The following GTF2F1 variants were observed in gnomAD, a reference collection of about 807,000 sequenced individuals.
The protein encoded by GTF2F1 is general transcription factor IIF subunit 1.
In GTF2F1, 39 loss-of-function variants were observed where a neutral mutation model predicts 63.5. That is an observed-to-expected ratio of 0.61 (90% CI 0.48 to 0.80). The LOEUF is 0.80. Among genes scored for constraint, GTF2F1 ranks in the 30% least tolerant of loss-of-function variants. GTF2F1 has a pLI of 0.00. For missense variants in GTF2F1, 657 were observed against 718.3 expected (o/e 0.91, Z 0.97); for synonymous variants, 287 against 285.3 (o/e 1.01, Z -0.06).
chr19:6,386,088 C>A (rs2091972874), intron 5 of GTF2F1, among the ~76,000 whole-genome samples: 1 of 148,918 alleles, frequency 6.7e-6, no homozygotes, highest in South Asian at 2.1e-4. Flanking sequence ...AAAAACAAAA[C>A]AACAAAACTA....
At position 6,380,160 on chromosome 19, in the gene GTF2F1, A is replaced by G; in HGVS notation, c.*121T>C. 4.6e-6 allele frequency: 4 copies of G among 870,400 alleles called. No homozygotes were observed. The highest frequency in any genetic ancestry group is 3.9e-6 in the Non-Finnish European group (2 of 514,246). 53.9% of individuals were successfully genotyped at this position (870,400 alleles called of 1,614,324 possible). ...GGAGCAAGCAGGATGTCGAAGGGTC[A>G]CTGAGAGCCTGAAGTTCTGGAGGGC... On this transcript the variant is annotated 3_prime_UTR_variant, in exon 13 of 13. Transcript: ENST00000394456. The surrounding 1 kb of genome is among the most constrained non-coding windows in gnomAD (Gnocchi z 5.3).
Position 6,381,536 on chromosome 19 carries a change from C to T in GTF2F1, c.898+18G>A, listed in dbSNP as rs372036105. On this transcript the variant is annotated intron_variant, in intron 8 of 12. Coordinates refer to ENST00000394456, the MANE Select transcript of GTF2F1 (RefSeq NM_002096.3). This position sits in a 1 kb window ranked among gnomAD's most constrained non-coding sequence, Gnocchi z 4.1. ...AAGCACCGCCCCCATCTCCCCGGCC[C>T]GCCCAGCCATCGCCTACCCTTGGGC... The T allele has an allele frequency of 1.1e-4, 180 of 1,611,716 alleles. No homozygotes were observed. Among genetic ancestry groups the T allele is most frequent in the Non-Finnish European group, 1.4e-4 (163 of 1,179,980 alleles).
Position 6,383,387 on chromosome 19 carries a change from C to A in GTF2F1, c.606G>T (p.Ala202=). ...CCAGGTCGTGGATGCGCAGCTCGCT[C>A]GCCTTCCTGCGGCCACGTTTCTCCT... ...EEKEKRGRRK[A]SELRIHDLED... is the part of the protein sequence containing the mutation. Residue 202 remains alanine, a synonymous_variant, in exon 6 of 13, where the codon GCG becomes GCT. Coordinates refer to ENST00000394456, the MANE Select transcript of GTF2F1 (RefSeq NM_002096.3). This position sits in a 1 kb window ranked among gnomAD's most constrained non-coding sequence, Gnocchi z 4.5. 6.2e-7 allele frequency: 1 copy of A among 1,614,222 alleles called. No homozygotes were observed. Among genetic ancestry groups the A allele is most frequent in the Non-Finnish European group, 8.5e-7 (1 of 1,180,036 alleles).
Position 6,383,342 on chromosome 19 carries a change from C to A in GTF2F1, c.651G>T (p.Ser217=), listed in dbSNP as rs754301696. ...CACCACTGGCATCACTGGCATCGGACGACATCTCCAGGTCGTCCTCCAGGT... is the reference window on the plus strand; with the variant it reads ...CACCACTGGCATCACTGGCATCGGAAGACATCTCCAGGTCGTCCTCCAGGT... ...IHDLEDDLEM[S]SDASDASGEE... The change falls in exon 6 of 13, where the codon TCG becomes TCT. Residue 217 remains serine (S), a synonymous_variant. Coordinates refer to ENST00000394456, the MANE Select transcript of GTF2F1 (RefSeq NM_002096.3). This position sits in a 1 kb window ranked among gnomAD's most constrained non-coding sequence, Gnocchi z 4.5. 2.5e-6 allele frequency: 4 copies of A among 1,614,120 alleles called. No homozygotes were observed. The highest frequency in any genetic ancestry group is 8.5e-7 in the Non-Finnish European group (1 of 1,180,048).
chr19:6,389,397 A>T, intron 4 of GTF2F1, 47 bp downstream of exon 4: 2 of 1,564,388 alleles, frequency 1.3e-6, no homozygotes, highest in Non-Finnish European at 1.8e-6. Flanking sequence ...AGGCCTGGGG[A>T]TGTGGACTGG....
chr19:6,391,852 C>T, intron 3 of GTF2F1, 50 bp downstream of exon 3: 1 of 951,504 alleles, frequency 1.1e-6, no homozygotes, highest in Non-Finnish European at 1.6e-6. Context: ...AGGTCAGGGT[C>T]AAGTTCTCTC....
chr19:6,385,029 G>A (rs1444240891), intron 5 of GTF2F1, among the ~76,000 whole-genome samples: 1 of 151,968 alleles, frequency 6.6e-6, no homozygotes, highest in African/African-American at 2.4e-5. Flanking sequence ...TCGAACTCTT[G>A]ACCTTGCGAT....
chr19:6,381,532 G>T lies in GTF2F1; in HGVS notation c.898+22C>A. 1 of 1,611,352 alleles carries T rather than the reference G, an allele frequency of 6.2e-7. No homozygotes were observed. On this transcript the variant is annotated intron_variant, in intron 8 of 12. Coordinates refer to ENST00000394456, the MANE Select transcript of GTF2F1 (RefSeq NM_002096.3). The surrounding 1 kb of genome is among the most constrained non-coding windows in gnomAD (Gnocchi z 4.1). ...AGGGAAGCACCGCCCCCATCTCCCC[G>T]GCCCGCCCAGCCATCGCCTACCCTT...
chr19:6,383,569 C>A lies in GTF2F1; in HGVS notation c.498-74G>T, dbSNP rs2091963151. The A allele has an allele frequency of 6.7e-6, 10 of 1,500,746 alleles. 1 individual carries two copies. The South Asian group carries it at 1.0e-4, about 16-fold the overall frequency. The allele number at this position is 1,500,746 out of a possible 1,614,324, so 93.0% of individuals were successfully genotyped here. A position where few individuals can be genotyped will look rare whatever the true frequency, so the allele number is the denominator to read the frequency against. On this transcript the variant is annotated intron_variant, in intron 5 of 12. Coordinates refer to ENST00000394456, the MANE Select transcript of GTF2F1 (RefSeq NM_002096.3). This position sits in a 1 kb window ranked among gnomAD's most constrained non-coding sequence, Gnocchi z 4.5. ...CATCTGTGCTTGCAGGGGGCGAGCC[C>A]CAGGGCACCACCCACATAGCCTTCA...
chr19:6,383,954 G>A lies in GTF2F1; in HGVS notation c.498-459C>T, dbSNP rs2091965004. Among the ~76,000 whole-genome samples, 3 of 149,972 alleles carry A rather than the reference G, an allele frequency of 2.0e-5. No individual in the cohort carries two copies. Among genetic ancestry groups the A allele is most frequent in the African/African-American group, 4.9e-5 (2 of 40,968 alleles). ...CGGGGTTCCAGGCGCCTGCCACCACGCCCAGCTAATTTTTTTTTTTTTTTG... is the reference window on the plus strand; with the variant it reads ...CGGGGTTCCAGGCGCCTGCCACCACACCCAGCTAATTTTTTTTTTTTTTTG... On this transcript the variant is annotated intron_variant, in intron 5 of 12. Coordinates refer to ENST00000394456, the MANE Select transcript of GTF2F1 (RefSeq NM_002096.3). The surrounding 1 kb of genome is among the most constrained non-coding windows in gnomAD (Gnocchi z 4.5).
chr19:6,382,303 C>A (rs1162859981), intron 6 of GTF2F1, among the ~76,000 whole-genome samples: 3 of 152,094 alleles, frequency 2.0e-5, no homozygotes, highest in African/African-American at 7.2e-5. Flanking sequence ...CCATCCTGGG[C>A]AACACAGTGA....
Position 6,383,334 on chromosome 19 carries a change from G to T in GTF2F1, c.659C>A (p.Ala220Asp). 3.1e-6 allele frequency: 5 copies of T among 1,614,010 alleles called. No homozygotes were observed. Among genetic ancestry groups the T allele is most frequent in the Non-Finnish European group, 4.2e-6 (5 of 1,180,030 alleles). Reference sequence around the variant, plus strand: ...ACCCTCCTCACCACTGGCATCACTGGCATCGGACGACATCTCCAGGTCGTC... The same window carrying T: ...ACCCTCCTCACCACTGGCATCACTGTCATCGGACGACATCTCCAGGTCGTC... ...LEDDLEMSSD[A>D]SDASGEEGGR... Residue 220 changes from alanine to aspartate, a missense_variant, in exon 6 of 13, where the codon GCC becomes GAC. By Grantham distance (126) the Ala-to-Asp change is moderately radical. Around this residue, in one of 2 missense-constraint regions of GTF2F1, gnomAD observed 602 missense variants for 625.6 expected, o/e 0.96. Coordinates refer to ENST00000394456, the MANE Select transcript of GTF2F1 (RefSeq NM_002096.3). The surrounding 1 kb of genome is among the most constrained non-coding windows in gnomAD (Gnocchi z 4.5).
chr19:6,389,592 C>T lies in GTF2F1; in HGVS notation c.178G>A (p.Glu60Lys). 1 of 1,614,196 alleles carries T rather than the reference C, an allele frequency of 6.2e-7. No individual in the cohort carries two copies. Among genetic ancestry groups the T allele is most frequent in the Non-Finnish European group, 8.5e-7 (1 of 1,180,024 alleles). ...CCCGCGCCCGATTCGGGCATCTCCT[C>T]CTCTTGGTAGATTTTCTTGTTGCTC... ...DLSNKKIYQE[E>K]EMPESGAGSE... Residue 60 changes from glutamate to lysine, a missense_variant, in exon 4 of 13, where the codon GAG (glutamate) becomes AAG (lysine). By Grantham distance (56) the Glu-to-Lys change is moderately conservative (BLOSUM62 1). Around this residue, in one of 2 missense-constraint regions of GTF2F1, gnomAD observed 602 missense variants for 625.6 expected, o/e 0.96. Coordinates refer to ENST00000394456, the MANE Select transcript of GTF2F1 (RefSeq NM_002096.3).
Position 6,381,941 on chromosome 19 carries a change from C to G in GTF2F1, c.683-91G>C. 1 of 1,116,904 alleles carries G rather than the reference C, an allele frequency of 9.0e-7. No homozygotes were observed. The allele number at this position is 1,116,904 out of a possible 1,614,324, so 69.2% of individuals were successfully genotyped here. On this transcript the variant is annotated intron_variant, in intron 6 of 12. Coordinates refer to ENST00000394456, the MANE Select transcript of GTF2F1 (RefSeq NM_002096.3). This position sits in a 1 kb window ranked among gnomAD's most constrained non-coding sequence, Gnocchi z 4.1. ...TTTTTCACATTTTGTGCAGTTTTGA[C>G]ATCCTGGGGGGCCTCACTGACTGGG...
chr19:6,392,696 T>A (rs988041999), intron 2 of GTF2F1, among the ~76,000 whole-genome samples, 161 bp downstream of exon 2: 5 of 152,124 alleles, frequency 3.3e-5, no homozygotes, highest in Non-Finnish European at 7.4e-5. Context: ...AGCAGTGTTG[T>A]CCCCAGAGAA....
intron 3 of GTF2F1, among the ~76,000 whole-genome samples, chr19:6,391,442 T>G (rs2091997005): frequency 8.4e-6 from 1 of 119,128 alleles, no homozygotes; most frequent in Non-Finnish European, 1.9e-5. Flanking sequence ...CATTTCCGTT[T>G]TTTTTTTTTT....
chr19:6,382,861 CCTGA>C (rs1420151528), intron 6 of GTF2F1, among the ~76,000 whole-genome samples: 1 of 151,778 alleles, frequency 6.6e-6, no homozygotes, highest in Non-Finnish European at 1.5e-5. Context: ...GGCCTTGCCT[CCTGA>C]CTGACATCAC....
Position 6,387,421 on chromosome 19 carries a change from G to A in GTF2F1, c.465C>T (p.Leu155=). The change falls in exon 5 of 13, where the codon CTC becomes CTT. Residue 155 remains leucine (L), a synonymous_variant. Coordinates refer to ENST00000394456, the MANE Select transcript of GTF2F1 (RefSeq NM_002096.3). ...ACTCCTCCTCGGCCTCCTCGGCAGT[G>A]AGCGTGCGATGCCGGGCCAGCGGTG... ...NFTPLARHRT[L]TAEEAEEEWE... 1 of 1,614,242 alleles carries A rather than the reference G, an allele frequency of 6.2e-7. No individual in the cohort carries two copies. The highest frequency in any genetic ancestry group is 8.5e-7 in the Non-Finnish European group (1 of 1,180,032).
At chr19:6,388,567 G>A (rs758401994) in intron 4 of GTF2F1, among the ~76,000 whole-genome samples, 15 of 152,240 alleles carry the variant, frequency 9.9e-5, no homozygotes, top group African/African-American at 3.6e-4. Context: ...GAGCTCCCAG[G>A]GCTGGCCACC....
Sources: gnomAD v4.1 joint callset for allele counts (sites outside exome capture counted in the v4.1 genomes callset) on GRCh38, gnomAD v4.1.1 for gene constraint, gnomAD v4.1.1 regional missense constraint, Gnocchi (gnomAD v3.1) non-coding constraint, MANE v1.5 for transcripts, NCBI Gene and HGNC (gene_info 2026-07-23, HGNC 2026-07-21) for gene names.